FHIT: variants seen among roughly 807,000 people sequenced by gnomAD.
FHIT encodes the protein bis(5'-adenosyl)-triphosphatase.
A neutral mutation model predicts 17.9 loss-of-function variants in FHIT; 19 were observed. The ratio of observed to expected loss-of-function variants is 1.06; its 90% CI spans 0.74 to 1.56. FHIT has a LOEUF of 1.56. Ranked by LOEUF, FHIT falls within the 40% of genes most tolerant of loss-of-function variation. The pLI, the probability that FHIT is intolerant of heterozygous loss-of-function variation, is 0.00. For missense variants in FHIT, 248 were observed against 189.2 expected, an observed-to-expected ratio of 1.31 and a Z score of -1.82; for synonymous variants, 81 against 69.7, an observed-to-expected ratio of 1.16 and a Z score of -0.81.
intron 5 of FHIT, among the ~76,000 whole-genome samples, chr3:60,365,517 A>T (rs1438909703): frequency 6.6e-6 from 1 of 152,218 alleles, no homozygotes; most frequent in Non-Finnish European, 1.5e-5. Flanking sequence ...CTAATGACTC[A>T]TTAAAACAAC....
chr3:60,950,122 T>C (rs1469286609), intron 3 of FHIT, among the ~76,000 whole-genome samples: 2 of 152,220 alleles, frequency 1.3e-5, no homozygotes, highest in African/African-American at 4.8e-5. Flanking sequence ...ACCTTTGTGT[T>C]ACAGTTGCCT....
intron 7 of FHIT, among the ~76,000 whole-genome samples, chr3:59,980,790 T>A (rs555336731): frequency 6.6e-6 from 1 of 152,278 alleles, no homozygotes; most frequent in East Asian, 1.9e-4. Flanking sequence ...GATCTTGAAC[T>A]TCCCAGCCTC....
intron 4 of FHIT, among the ~76,000 whole-genome samples, chr3:60,542,186 G>A (rs1442946445): frequency 6.6e-6 from 1 of 152,052 alleles, no homozygotes; most frequent in Non-Finnish European, 1.5e-5. Context: ...TATCCATGTT[G>A]CCATAAACAA....
At chr3:60,316,059 A>G (rs1018839405) in intron 5 of FHIT, among the ~76,000 whole-genome samples, 1 of 152,172 alleles carries the variant, frequency 6.6e-6, no homozygotes, top group African/African-American at 2.4e-5. Flanking sequence ...CATGAACATG[A>G]CATTGTTCTT....
chr3:61,239,838 T>C (rs1005676671), intron 1 of FHIT, among the ~76,000 whole-genome samples: 4 of 145,252 alleles, frequency 2.8e-5, no homozygotes, highest in Non-Finnish European at 5.9e-5. Context: ...GGCAACTTAG[T>C]AGAAGCCACA....
At chr3:61,150,745 G>A (rs559900954) in intron 2 of FHIT, among the ~76,000 whole-genome samples, 1 of 152,112 alleles carries the variant, frequency 6.6e-6, no homozygotes, top group Admixed American at 6.5e-5. Context: ...TTTACCAGTT[G>A]TTCACTATTT....
intron 2 of FHIT, among the ~76,000 whole-genome samples, chr3:61,090,002 C>T (rs183202102): frequency 7.9e-5 from 12 of 152,224 alleles, no homozygotes; most frequent in African/African-American, 1.9e-4. Flanking sequence ...CAAGCGCATG[C>T]CAATACATGA....
intron 3 of FHIT, among the ~76,000 whole-genome samples, chr3:60,995,999 C>G (rs960855456): frequency 5.3e-5 from 8 of 152,152 alleles, no homozygotes; most frequent in Non-Finnish European, 8.8e-5. Flanking sequence ...TTTAATTTAA[C>G]CTTCCCAGAA....
intron 5 of FHIT, among the ~76,000 whole-genome samples, chr3:60,263,236 A>G (rs1706392770): frequency 1.3e-5 from 2 of 151,952 alleles, no homozygotes; most frequent in Admixed American, 1.3e-4. Context: ...AGAACTTCCA[A>G]ATGTTGATGG....
Position 59,885,441 on chromosome 3 carries a change from C to CTTTT in FHIT, c.348+36901_348+36904dup, listed in dbSNP as rs60795525. ...TCTAGAAAGTACATGCTACCTGATG[C>CTTTT]TTTTTTTTTTTTTTTTTAACGATTG... On this transcript the variant is annotated intron_variant, in intron 8 of 9. Transcript: ENST00000492590. Among the ~76,000 whole-genome samples the CTTTT allele has an allele frequency of 3.6e-3, 486 of 136,000 alleles. 5 individuals carry two copies. The highest frequency in any genetic ancestry group is 0.013 in the African/African-American group (463 of 36,970). The allele number at this position is 136,000 out of a possible 152,430, so 89.2% of individuals were successfully genotyped here.
chr3:60,006,926 A>G (rs957213842), intron 7 of FHIT, among the ~76,000 whole-genome samples: 1 of 152,172 alleles, frequency 6.6e-6, no homozygotes. Context: ...TTTGAATTAT[A>G]CTTCTACAAA....
chr3:60,205,687 C>T (rs1438522846), intron 5 of FHIT, among the ~76,000 whole-genome samples: 4 of 152,036 alleles, frequency 2.6e-5, no homozygotes, highest in African/African-American at 7.2e-5. Context: ...AACAAAATGA[C>T]GCAAAGTTCA....
intron 5 of FHIT, among the ~76,000 whole-genome samples, chr3:60,453,336 A>G (rs555077706): frequency 6.6e-5 from 10 of 152,272 alleles, no homozygotes; most frequent in African/African-American, 2.4e-4. Flanking sequence ...GGTTCTATCA[A>G]AATTCATTCT....
intron 5 of FHIT, among the ~76,000 whole-genome samples, chr3:60,418,177 T>G (rs1253099857): frequency 6.6e-6 from 1 of 151,812 alleles, no homozygotes; most frequent in Non-Finnish European, 1.5e-5. Flanking sequence ...GATGGCAGAA[T>G]GCACTAAAAC....
intron 5 of FHIT, among the ~76,000 whole-genome samples, chr3:60,504,245 C>T (rs1186475644): frequency 6.6e-6 from 1 of 151,976 alleles, no homozygotes; most frequent in Non-Finnish European, 1.5e-5. Context: ...ACCATCCTGG[C>T]CAACATGGTG....
intron 5 of FHIT, among the ~76,000 whole-genome samples, chr3:60,101,373 C>T (rs1704184202): frequency 6.6e-6 from 1 of 152,226 alleles, no homozygotes; most frequent in Non-Finnish European, 1.5e-5. Context: ...TGAGCACTTG[C>T]TGCTCCTTTG....
chr3:61,099,248 C>T (rs943683699), intron 2 of FHIT, among the ~76,000 whole-genome samples: 1 of 152,168 alleles, frequency 6.6e-6, no homozygotes, highest in Non-Finnish European at 1.5e-5. Flanking sequence ...GTTGAACTAA[C>T]TTTGCATCCC....
intron 5 of FHIT, among the ~76,000 whole-genome samples, chr3:60,073,148 G>T (rs921013004): frequency 6.6e-6 from 1 of 152,156 alleles, no homozygotes; most frequent in Non-Finnish European, 1.5e-5. Flanking sequence ...GATTGTGTTA[G>T]CAAGTTGCTT....
chr3:60,610,599 C>G (rs1553673150), intron 4 of FHIT, among the ~76,000 whole-genome samples: 1 of 152,146 alleles, frequency 6.6e-6, no homozygotes, highest in Admixed American at 6.5e-5. Flanking sequence ...CTATTAGGGA[C>G]AGTCACAGAA....
Sources: gnomAD v4.1 joint callset for allele counts (sites outside exome capture counted in the v4.1 genomes callset) on GRCh38, gnomAD v4.1.1 for gene constraint, MANE v1.5 for transcripts, NCBI Gene and HGNC (gene_info 2026-07-23, HGNC 2026-07-21) for gene names.